DGKI: variants seen among roughly 807,000 people sequenced by gnomAD.
DGKI encodes diacylglycerol kinase iota.
In DGKI, 55 loss-of-function variants were observed where a neutral mutation model predicts 147.5. The ratio of observed to expected loss-of-function variants is 0.37; its 90% confidence interval spans 0.30 to 0.47. The LOEUF (loss-of-function observed/expected upper bound fraction) is 0.47, where lower values mean the gene tolerates loss of function less well. DGKI is among the 20% of genes least tolerant of loss of function. DGKI has a pLI of 1.00. For synonymous variants in DGKI, 469 were observed against 477.1 expected (o/e 0.98, Z 0.22); for missense variants, 1,007 against 1,323.8 (o/e 0.76, Z 3.71).
intron 3 of DGKI, among the ~76,000 whole-genome samples, chr7:137,662,056 T>G (rs1394010804): frequency 1.3e-5 from 2 of 152,206 alleles, no homozygotes; most frequent in Non-Finnish European, 2.9e-5. Context: ...GAGTCTGGGA[T>G]GCAATCTATA....
At chr7:137,725,755 C>A (rs1335114562) in intron 1 of DGKI, among the ~76,000 whole-genome samples, 1 of 152,114 alleles carries the variant, frequency 6.6e-6, no homozygotes, top group Non-Finnish European at 1.5e-5. Flanking sequence ...CTGTATTTCC[C>A]TTTCAAGCAT....
At chr7:137,475,661 G>A (rs969600180) in intron 23 of DGKI, among the ~76,000 whole-genome samples, 16 of 152,156 alleles carry the variant, frequency 1.1e-4, no homozygotes, top group African/African-American at 3.9e-4. Flanking sequence ...CACAAAAAAC[G>A]AAGCATGGAC....
chr7:137,534,405 C>T (rs1415744292), intron 20 of DGKI, among the ~76,000 whole-genome samples: 2 of 151,978 alleles, frequency 1.3e-5, no homozygotes, highest in Non-Finnish European at 2.9e-5. Context: ...CAAAGACTAA[C>T]AAAAGTATTC....
In DGKI at chr7:137,635,162, A is replaced by G. The variant is rs188890182; in HGVS notation, c.804+10310T>C. On this transcript the variant is annotated intron_variant, in intron 6 of 32. Transcript: ENST00000614521. The stretch of plus-strand genomic sequence containing the variant: ...TACTGTGTCATGAGCCATCCCATTG[A>G]TGGATGGTGCAATGGGCTTGTAAGT... Among the ~76,000 whole-genome samples the G allele has an allele frequency of 9.8e-5, 15 of 152,294 alleles. No individual in the cohort carries two copies. The South Asian group carries it at 2.9e-3, about 29-fold the overall frequency.
rs559905677 is a variant in DGKI, at chr7:137,758,276, C to A, written c.402-68274G>T. 1.4e-4 allele frequency among the ~76,000 whole-genome samples: 21 copies of A among 152,284 alleles called. No homozygotes were observed. In the South Asian group the frequency reaches 4.1e-3, roughly 30 times the overall value. On this transcript the variant is annotated intron_variant, in intron 1 of 32. Transcript: ENST00000614521. The stretch of plus-strand genomic sequence containing the variant: ...GCTCATTCTGGGACTCAGGTCCTGG[C>A]CCAAGTGGTAGCTCCAGCATCCATT...
At chr7:137,782,050 G>C (rs1285854231) in intron 1 of DGKI, among the ~76,000 whole-genome samples, 1 of 152,274 alleles carries the variant, frequency 6.6e-6, no homozygotes, top group Non-Finnish European at 1.5e-5. Context: ...TTTGCTCCAA[G>C]AACTACTGTA....
rs1160099687 is a variant in DGKI, at chr7:137,638,478, GTATATATA to G, written c.804+6986_804+6993del. On this transcript the variant is annotated intron_variant, in intron 6 of 32. Transcript: ENST00000614521. ...CATATATATGTGTGTATATATGTGT[GTATATATA>G]TACACACATATATATGTATATATAT... Among the ~76,000 whole-genome samples the G allele has an allele frequency of 4.7e-4, 41 of 87,924 alleles. 1 individual carries two copies. The East Asian group carries it at 0.015, about 33-fold the overall frequency. The allele number at this position is 87,924 out of a possible 152,430, so 57.7% of individuals were successfully genotyped here.
chr7:137,838,485 A>G (rs1399222316), intron 1 of DGKI, among the ~76,000 whole-genome samples: 1 of 152,056 alleles, frequency 6.6e-6, no homozygotes, highest in Non-Finnish European at 1.5e-5. Flanking sequence ...CTTTCAACAA[A>G]TTGCTTTCAA....
chr7:137,627,558 C>T (rs1188871776), intron 6 of DGKI, among the ~76,000 whole-genome samples: 1 of 152,192 alleles, frequency 6.6e-6, no homozygotes, highest in Non-Finnish European at 1.5e-5. Flanking sequence ...GGCAAAAAAA[C>T]TAACCCCTAC....
At chr7:137,528,983 C>G (rs1817245101) in intron 20 of DGKI, among the ~76,000 whole-genome samples, 1 of 152,154 alleles carries the variant, frequency 6.6e-6, no homozygotes, top group Non-Finnish European at 1.5e-5. Context: ...ACATTAACCA[C>G]CAAAGCTAGA....
chr7:137,690,022 A>G lies in DGKI; in HGVS notation c.402-20T>C, dbSNP rs557879514. The G allele has an allele frequency of 6.4e-7, 1 of 1,568,094 alleles. No homozygotes were observed. The highest frequency in any genetic ancestry group is 1.2e-5 in the South Asian group (1 of 86,148). On this transcript the variant is annotated intron_variant, in intron 1 of 32. Coordinates refer to ENST00000614521, the MANE Select transcript of DGKI (RefSeq NM_001321708.2). ...GCTTTCCTGCAGCAAGAAGAAAAAC[A>G]AAAACAAAAACAAAGAAAAACCAAC...
In DGKI at chr7:137,472,320, T is replaced by TATTATATGTATATACATTAAA. The variant is rs57953468; in HGVS notation, c.2374-2702_2374-2701insTTTAATGTATATACATATAAT. On this transcript the variant is annotated intron_variant, in intron 23 of 32. Transcript: ENST00000614521. Reference sequence around the variant, plus strand: ...TATATTTATGTGTATATACATATAATTATTATATGTATATATACATATAAT... The same window carrying TATTATATGTATATACATTAAA: ...TATATTTATGTGTATATACATATAATATTATATGTATATACATTAAATATTATATGTATATATACATATAAT... Among the ~76,000 whole-genome samples the TATTATATGTATATACATTAAA allele has an allele frequency of 1.8e-3, 22 of 12,304 alleles. 1 individual carries two copies. The highest frequency in any genetic ancestry group is 3.7e-3 in the African/African-American group (21 of 5,744). 8.1% of individuals were successfully genotyped at this position (12,304 alleles called of 152,430 possible). A position where few individuals can be genotyped will look rare whatever the true frequency, so the allele number is the denominator to read the frequency against.
At chr7:137,472,345 T>TATTATATGTATATACATTAAA (rs1563040195) in intron 23 of DGKI, among the ~76,000 whole-genome samples, 9 of 54,170 alleles carry the variant, frequency 1.7e-4, no homozygotes, top group African/African-American at 1.1e-3. Flanking sequence ...ATACATATAA[T>TATTATATGTATATACATTAAA]TATTATATGT....
At chr7:137,450,058 C>T (rs1353398741) in intron 27 of DGKI, among the ~76,000 whole-genome samples, 3 of 152,110 alleles carry the variant, frequency 2.0e-5, no homozygotes, top group Non-Finnish European at 1.5e-5. Flanking sequence ...GCATGTCTCA[C>T]TCATGTGGAA....
At chr7:137,392,054 T>C (rs1811384861) in intron 32 of DGKI, among the ~76,000 whole-genome samples, 1 of 152,208 alleles carries the variant, frequency 6.6e-6, no homozygotes, top group African/African-American at 2.4e-5. Flanking sequence ...TATGCCTCTA[T>C]ACGTATTTTT....
chr7:137,696,340 T>C (rs1334653599), intron 1 of DGKI, among the ~76,000 whole-genome samples: 1 of 151,466 alleles, frequency 6.6e-6, no homozygotes, highest in African/African-American at 2.4e-5. Flanking sequence ...CAGACAGATT[T>C]ACCATCATAT....
At position 137,604,744 on chromosome 7, in the gene DGKI, G is replaced by A. The variant is rs552993353; in HGVS notation, c.1167+4222C>T. ...GCTTTACCCTGAAGTTAAAGTCTAG[G>A]TCACTGGAAGAGAAAGTCATGAGAG... On this transcript the variant is annotated intron_variant, in intron 10 of 32. Coordinates refer to ENST00000614521, the MANE Select transcript of DGKI (RefSeq NM_001321708.2). 3.3e-5 allele frequency among the ~76,000 whole-genome samples: 5 copies of A among 152,260 alleles called. No homozygotes were observed. The South Asian group carries it at 6.2e-4, about 19-fold the overall frequency.
chr7:137,632,545 A>G (rs1399764086), intron 6 of DGKI, among the ~76,000 whole-genome samples: 1 of 152,202 alleles, frequency 6.6e-6, no homozygotes, highest in East Asian at 1.9e-4. Context: ...AGCACCAGGT[A>G]TCTAATGGTC....
In DGKI at chr7:137,597,927, A is replaced by G. The variant is rs756044187; in HGVS notation, c.1251-20T>C. On this transcript the variant is annotated intron_variant, in intron 11 of 32. Transcript: ENST00000614521. ...TCAAGCCTGTAGAGGAAATAGAAGAAAAAGTAAACAAAAGAACATTTCACT... is the reference window on the plus strand; with the variant it reads ...TCAAGCCTGTAGAGGAAATAGAAGAGAAAGTAAACAAAAGAACATTTCACT... 3.1e-6 allele frequency: 5 copies of G among 1,606,534 alleles called. No homozygotes were observed. The East Asian group carries it at 1.1e-4, about 36-fold the overall frequency.
Sources: gnomAD v4.1 joint callset for allele counts (sites outside exome capture counted in the v4.1 genomes callset) on GRCh38, gnomAD v4.1.1 for gene constraint, MANE v1.5 for transcripts, NCBI Gene and HGNC (gene_info 2026-07-23, HGNC 2026-07-21) for gene names.